COQ6: variants seen among roughly 807,000 people sequenced by gnomAD.
The protein encoded by COQ6 is coenzyme Q6, monooxygenase, also known as ubiquinone biosynthesis monooxygenase COQ6, mitochondrial.
Under a neutral mutation model 55.5 loss-of-function variants are expected in COQ6, and 45 were observed. The ratio of observed to expected loss-of-function variants is 0.81; its 90% CI spans 0.64 to 1.04. The LOEUF is 1.04. Among genes scored for constraint, COQ6 ranks in the 50% least tolerant of loss-of-function variants. The pLI is 0.00. For synonymous variants in COQ6, 206 were observed against 230.5 expected, an observed-to-expected ratio of 0.89 and a Z score of 0.96; for missense variants, 550 against 601.3, an observed-to-expected ratio of 0.91 and a Z score of 0.89.
chr14:73,954,309 T>C lies in COQ6; in HGVS notation c.298+740T>C, dbSNP rs570452385. On this transcript the variant is annotated intron_variant, in intron 2 of 11. Coordinates refer to ENST00000334571, the MANE Select transcript of COQ6 (RefSeq NM_182476.3). ...TTCAGTGCTATGAAGAGCTAAAAAATAGAACATAGGCCAGGCACAGTCATG... is the reference window on the plus strand; with the variant it reads ...TTCAGTGCTATGAAGAGCTAAAAAACAGAACATAGGCCAGGCACAGTCATG... Among the ~76,000 whole-genome samples the C allele has an allele frequency of 9.2e-5, 14 of 152,182 alleles. No individual in the cohort carries two copies. The South Asian group carries it at 2.9e-3, about 32-fold the overall frequency.
intron 8 of COQ6, 131 bp downstream of exon 8, chr14:73,959,653 T>C: frequency 6.6e-7 from 1 of 1,510,262 alleles, no homozygotes; most frequent in East Asian, 2.4e-5. Flanking sequence ...CTGTGCAATC[T>C]CCGCCTCCCG....
chr14:73,962,819 A>G, intron 11 of COQ6, 151 bp from the exon 12 acceptor site: 1 of 665,894 alleles, frequency 1.5e-6, no homozygotes, highest in East Asian at 2.7e-5. Context: ...CCTGTCTCTA[A>G]AACGTGTGTA....
At chr14:73,953,382 G>T in intron 1 of COQ6, 53 bp from the exon 2 acceptor site, 1 of 1,489,306 alleles carries the variant, frequency 6.7e-7, no homozygotes, top group South Asian at 1.1e-5. Flanking sequence ...TCTTGGTAAT[G>T]GGAAAGGAAA....
chr14:73,961,725 T>A lies in COQ6; in HGVS notation c.1211-12T>A. The A allele has an allele frequency of 6.2e-7, 1 of 1,614,148 alleles. No homozygotes were observed. Among genetic ancestry groups the A allele is most frequent in the Non-Finnish European group, 8.5e-7 (1 of 1,179,976 alleles). On this transcript the variant is annotated splice_polypyrimidine_tract_variant and intron_variant, in intron 10 of 11. Transcript: ENST00000334571. Reference sequence around the variant, plus strand: ...ATTGGATTAGGGATTTAATCTTTCCTCTGCCCTTCAGGTTCCGTGAGCCAC... The same window carrying A: ...ATTGGATTAGGGATTTAATCTTTCCACTGCCCTTCAGGTTCCGTGAGCCAC...
chr14:73,959,130 TCA>T (rs1382285092), intron 6 of COQ6, 30 bp from the exon 7 acceptor site: 1 of 1,614,034 alleles, frequency 6.2e-7, no homozygotes, highest in African/African-American at 1.3e-5. Context: ...ACTAGGTACT[TCA>T]CAGAGAAACT....
intron 1 of COQ6, among the ~76,000 whole-genome samples, chr14:73,953,063 G>T (rs1358202857): frequency 1.3e-5 from 2 of 152,196 alleles, no homozygotes; most frequent in Admixed American, 6.5e-5. Context: ...TTGAACAGGA[G>T]TTGTAATTTT....
intron 2 of COQ6, among the ~76,000 whole-genome samples, chr14:73,954,504 C>G (rs2043326948): frequency 6.6e-6 from 1 of 152,038 alleles, no homozygotes; most frequent in Non-Finnish European, 1.5e-5. Context: ...TAAAAATTGT[C>G]TTTACGAGGT....
upstream of COQ6, chr14:73,950,091 C>G (rs2056125777): frequency 1.2e-6 from 2 of 1,605,080 alleles, no homozygotes; most frequent in Non-Finnish European, 1.7e-6. Flanking sequence ...GCAGCGAGAG[C>G]TATGCGGGGC....
In COQ6 at chr14:73,958,553, C is replaced by T. The variant is rs2054007715; in HGVS notation, c.612+276C>T. 4 of 1,308,026 alleles carry T rather than the reference C, an allele frequency of 3.1e-6. No homozygotes were observed. In the South Asian group the frequency reaches 4.6e-5, roughly 15 times the overall value. 81.0% of individuals were successfully genotyped at this position (1,308,026 alleles called of 1,614,324 possible). On this transcript the variant is annotated intron_variant, in intron 5 of 11. Transcript: ENST00000334571. ...GTGTTGGGAATGGAGGCTGTTCTTT[C>T]CCTCTGAGGAGTCTGTGGTCATTGA...
At position 73,955,805 on chromosome 14, in the gene COQ6, G is replaced by T; in HGVS notation, c.358G>T (p.Val120Leu). The part of the protein sequence containing the change: ...MRYRAFRRMQ[V>L]WDACSEALIM... ...GCAGACTTTCCTTTTGTGTTTCCAGGTGTGGGACGCCTGCTCAGAGGCCCT... is the reference window on the plus strand; with the variant it reads ...GCAGACTTTCCTTTTGTGTTTCCAGTTGTGGGACGCCTGCTCAGAGGCCCT... The change falls in exon 4 of 12, where the codon GTG becomes TTG. Residue 120 changes from valine to leucine, a missense_variant and splice_region_variant. Physicochemically the swap from Val to Leu is conservative, Grantham distance 32 (BLOSUM62 1). Coordinates refer to ENST00000334571, the MANE Select transcript of COQ6 (RefSeq NM_182476.3). 5 of 1,614,130 alleles carry T rather than the reference G, an allele frequency of 3.1e-6. No individual in the cohort carries two copies. The highest frequency in any genetic ancestry group is 4.2e-6 in the Non-Finnish European group (5 of 1,180,022).
intron 11 of COQ6, chr14:73,962,566 A>AG (rs1027766854): frequency 5.3e-6 from 1 of 189,570 alleles, no homozygotes; most frequent in East Asian, 1.4e-4. Flanking sequence ...CTCTTGAAAA[A>AG]AAAAAATGAA....
chr14:73,950,734 T>C (rs2056158421), intron 1 of COQ6: 1 of 573,762 alleles, frequency 1.7e-6, no homozygotes, highest in East Asian at 2.9e-5. Context: ...AAACAGGCCT[T>C]CCCGGGGTTA....
chr14:73,958,696 C>G, intron 5 of COQ6: 1 of 1,357,624 alleles, frequency 7.4e-7, no homozygotes, highest in South Asian at 1.5e-5. Flanking sequence ...CTGAAACTTT[C>G]CTTATTGCTC....
In COQ6 at chr14:73,961,888, AGT is replaced by A; in HGVS notation, c.1365_1366del (p.Pro457ThrfsTer43). 6.2e-7 allele frequency: 1 copy of A among 1,614,166 alleles called. No individual in the cohort carries two copies. The highest frequency in any genetic ancestry group is 1.1e-5 in the South Asian group (1 of 91,086). ...RTWGLQATNAVSPLKEQIMAF... is the reference protein window; with the variant it reads ...RTWGLQATNAXSPLKEQIMAF... ...CGTGGGGCTTGCAGGCCACAAATGCAGTGTCTCCACTCAAAGTAAGAGGTTGC... is the reference window on the plus strand; with the variant it reads ...CGTGGGGCTTGCAGGCCACAAATGCAGTCTCCACTCAAAGTAAGAGGTTGC... On this transcript the variant is annotated frameshift_variant, in exon 11 of 12. Coordinates refer to ENST00000334571, the MANE Select transcript of COQ6 (RefSeq NM_182476.3). LOFTEE classifies it high-confidence loss of function.
At chr14:73,954,245 G>C (rs2056314506) in intron 2 of COQ6, among the ~76,000 whole-genome samples, 1 of 152,198 alleles carries the variant, frequency 6.6e-6, no homozygotes. Flanking sequence ...TTGGCACATA[G>C]TCGGTGCTCA....
chr14:73,952,114 CT>C (rs869273031), intron 1 of COQ6, among the ~76,000 whole-genome samples: 321 of 73,734 alleles, frequency 4.4e-3, no homozygotes, highest in African/African-American at 0.012. Flanking sequence ...CTGGAGCTAA[CT>C]TTTTTTTTTT....
At chr14:73,960,790 C>T (rs761663023) in intron 8 of COQ6, 13 of 373,186 alleles carry the variant, frequency 3.5e-5, no homozygotes, top group African/African-American at 1.3e-4. Flanking sequence ...AAAGAGGCGA[C>T]GTCTTCTGGA....
chr14:73,959,083 G>C lies in COQ6; in HGVS notation c.720+5G>C, dbSNP rs1281472418. 1 of 1,614,064 alleles carries C rather than the reference G, an allele frequency of 6.2e-7. No individual in the cohort carries two copies. Among genetic ancestry groups the C allele is most frequent in the African/African-American group, 1.3e-5 (1 of 74,920 alleles). ...GCTACTCTGCATTTATCAGAGGTAA[G>C]ATCCTGAGCTGCCATCTGGGGACTT... On this transcript the variant is annotated splice_donor_5th_base_variant and intron_variant, in intron 6 of 11. Coordinates refer to ENST00000334571, the MANE Select transcript of COQ6 (RefSeq NM_182476.3).
At position 73,955,493 on chromosome 14, in the gene COQ6, C is replaced by G; in HGVS notation, c.341C>G (p.Ala114Gly). 6.2e-7 allele frequency: 1 copy of G among 1,614,070 alleles called. No individual in the cohort carries two copies. The highest frequency in any genetic ancestry group is 1.3e-5 in the African/African-American group (1 of 75,022). ...CATATCTGCAACATGAGATACAGAG[C>G]CTTTCGGCGAATGCAGGTGCCCCTT... is the stretch of plus-strand genomic sequence containing the variant. ...WDHICNMRYR[A>G]FRRMQVWDAC... Residue 114 changes from alanine (A) to glycine (G), a missense_variant, in exon 3 of 12, where the codon GCC becomes GGC. By Grantham distance (60) the Ala-to-Gly change is moderately conservative. Coordinates refer to ENST00000334571, the MANE Select transcript of COQ6 (RefSeq NM_182476.3).
Sources: allele counts gnomAD v4.1 joint callset (sites outside exome capture counted in the v4.1 genomes callset), GRCh38; gene constraint gnomAD v4.1.1; transcripts MANE v1.5; gene names NCBI Gene and HGNC (gene_info 2026-07-23, HGNC 2026-07-21).